The following KIF18A variants were observed in gnomAD, a reference collection of about 807,000 sequenced individuals.
KIF18A encodes the protein kinesin-like protein KIF18A.
Under a neutral mutation model 103.3 loss-of-function variants are expected in KIF18A, and 67 were observed. The observed-to-expected ratio is 0.65, with a 90% CI of 0.53 to 0.79. KIF18A has a LOEUF of 0.79. KIF18A is among the 30% of genes least tolerant of loss of function. The probability of loss-of-function intolerance (pLI) is 0.00; values close to 1 mark genes in which losing one functional copy is unlikely to be tolerated. For missense variants in KIF18A, 1,032 were observed against 1,062.5 expected (o/e 0.97, Z 0.40); for synonymous variants, 367 against 355.5 (o/e 1.03, Z -0.36).
At chr11:28,083,745 CT>C (rs1164412188) in intron 7 of KIF18A, among the ~76,000 whole-genome samples, 1 of 152,122 alleles carries the variant, frequency 6.6e-6, no homozygotes, top group African/African-American at 2.4e-5. Context: ...GGTTACTCAT[CT>C]GTAAAGTGGA....
At chr11:28,025,022 G>A (rs1465959677) in intron 15 of KIF18A, among the ~76,000 whole-genome samples, 1 of 151,884 alleles carries the variant, frequency 6.6e-6, no homozygotes, top group African/African-American at 2.4e-5. Context: ...TAATAAAATA[G>A]AGCAATTATA....
intron 11 of KIF18A, among the ~76,000 whole-genome samples, chr11:28,062,869 T>A (rs1850872948): frequency 6.6e-6 from 1 of 152,036 alleles, no homozygotes; most frequent in African/African-American, 2.4e-5. Context: ...AGCATTGTAT[T>A]TGGATAGACA....
At position 28,069,377 on chromosome 11, in the gene KIF18A, C is replaced by T. The variant is rs758314655; in HGVS notation, c.1472G>A (p.Arg491His). The change falls in exon 11 of 17, where the codon CGC becomes CAC. Residue 491 changes from arginine (R) to histidine (H), a missense_variant. By Grantham distance (29) the Arg-to-His change is conservative. Coordinates refer to ENST00000263181, the MANE Select transcript of KIF18A (RefSeq NM_031217.4). ...DHRLAMLKTR[R>H]SYLEKRREEE... ...CTCCCTCCTTTTCTCCAGGTAGGAG[C>T]GACGAGTTTTCAACATTGCAAGTCT... 1.1e-5 allele frequency: 17 copies of T among 1,613,490 alleles called. No individual in the cohort carries two copies. The highest frequency in any genetic ancestry group is 1.3e-5 in the African/African-American group (1 of 74,892).
At chr11:28,081,456 C>G (rs546981075) in intron 9 of KIF18A, among the ~76,000 whole-genome samples, 6 of 152,054 alleles carry the variant, frequency 3.9e-5, no homozygotes, top group Non-Finnish European at 8.8e-5. Context: ...ATGAAATATG[C>G]TAAATTTAAC....
intron 9 of KIF18A, among the ~76,000 whole-genome samples, chr11:28,081,979 A>G (rs1248516500): frequency 1.3e-5 from 2 of 152,110 alleles, no homozygotes; most frequent in East Asian, 3.8e-4. Context: ...GAAGAAACTA[A>G]CTGCAGATGT....
chr11:28,090,557 G>A, intron 5 of KIF18A, 60 bp downstream of exon 5: 4 of 944,858 alleles, frequency 4.2e-6, no homozygotes, highest in Admixed American at 1.9e-5. Context: ...GATGATTCAT[G>A]AATTTAGCTT....
intron 1 of KIF18A, among the ~76,000 whole-genome samples, chr11:28,106,455 T>C (rs1388401095): frequency 6.7e-6 from 1 of 148,364 alleles, no homozygotes; most frequent in Admixed American, 6.8e-5. Flanking sequence ...CCCACCAACT[T>C]ACAACCATCA....
At chr11:28,021,307 T>C (rs1850240193) in intron 16 of KIF18A, 25 bp from the exon 17 acceptor site, 2 of 1,358,710 alleles carry the variant, frequency 1.5e-6, no homozygotes, top group Non-Finnish European at 1.9e-6. Context: ...AAAAGATGCA[T>C]AAATATGGCA....
chr11:28,020,658 GGACAATATTTTATTTGTGAT>G lies in KIF18A; in HGVS notation c.*522_*541del, dbSNP rs1407791577. 5.3e-5 allele frequency: 8 copies of G among 151,552 alleles called. No individual in the cohort carries two copies. The highest frequency in any genetic ancestry group is 8.8e-5 in the Non-Finnish European group (6 of 67,898). 9.4% of individuals were successfully genotyped at this position (151,552 alleles called of 1,614,324 possible). ...CATCTTTAATATATCAAGTAGCAAG[GGACAATATTTTATTTGTGAT>G]GACTAAATAATATTTACAATGATTT... On this transcript the variant is annotated 3_prime_UTR_variant, in exon 17 of 17. Coordinates refer to ENST00000263181, the MANE Select transcript of KIF18A (RefSeq NM_031217.4).
At chr11:28,040,776 T>C (rs1167450673) in intron 13 of KIF18A, among the ~76,000 whole-genome samples, 7 of 151,762 alleles carry the variant, frequency 4.6e-5, no homozygotes. Context: ...GGTAGCAATG[T>C]ATGTTATGGT....
chr11:28,077,340 GA>G (rs1181741394), intron 9 of KIF18A, among the ~76,000 whole-genome samples, 171 bp from the exon 10 acceptor site: 1 of 152,070 alleles, frequency 6.6e-6, no homozygotes, highest in Non-Finnish European at 1.5e-5. Flanking sequence ...AAAATGTTTA[GA>G]AAAAGTTATT....
At chr11:28,091,972 CG>C (rs975137229) in intron 3 of KIF18A, among the ~76,000 whole-genome samples, 1 of 152,138 alleles carries the variant, frequency 6.6e-6, no homozygotes, top group African/African-American at 2.4e-5. Context: ...CCTGCCACCA[CG>C]CCTGGCTAAT....
chr11:28,024,276 T>C (rs1482409613), intron 15 of KIF18A, among the ~76,000 whole-genome samples: 3 of 151,176 alleles, frequency 2.0e-5, no homozygotes, highest in East Asian at 1.9e-4. Flanking sequence ...AGTGAGATTG[T>C]TTGAAAAACC....
chr11:28,051,384 T>C (rs1255119908), intron 13 of KIF18A, among the ~76,000 whole-genome samples: 3 of 151,912 alleles, frequency 2.0e-5, no homozygotes, highest in Admixed American at 6.6e-5. Flanking sequence ...GAATTATATA[T>C]GACTACTTAC....
chr11:28,057,818 A>G (rs1436749449), intron 13 of KIF18A, among the ~76,000 whole-genome samples: 4 of 152,172 alleles, frequency 2.6e-5, no homozygotes, highest in African/African-American at 9.6e-5. Context: ...TATTCTCTGG[A>G]TTCTCAAAAA....
chr11:28,065,791 T>C (rs539142557), intron 11 of KIF18A, among the ~76,000 whole-genome samples: 214 of 152,162 alleles, frequency 1.4e-3, no homozygotes, highest in African/African-American at 5.1e-3. Context: ...GCTGATTACA[T>C]GGACAAACAT....
intron 1 of KIF18A, among the ~76,000 whole-genome samples, chr11:28,098,689 C>T (rs1851406304): frequency 6.6e-6 from 1 of 151,950 alleles, no homozygotes; most frequent in Non-Finnish European, 1.5e-5. Flanking sequence ...TAATTGTGTG[C>T]AAGTTTAAGG....
intron 2 of KIF18A, 40 bp downstream of exon 2, chr11:28,097,583 A>C (rs1161134834): frequency 7.7e-7 from 1 of 1,306,502 alleles, no homozygotes. Context: ...GCAAAAGTGA[A>C]ATCGGATAGA....
intron 11 of KIF18A, among the ~76,000 whole-genome samples, chr11:28,064,900 C>CA (rs2133533064): frequency 6.6e-6 from 1 of 152,186 alleles, no homozygotes; most frequent in South Asian, 2.1e-4. Context: ...ATTCAGGTGC[C>CA]AGACCATGCT....
Sources: gnomAD v4.1 joint callset for allele counts (sites outside exome capture counted in the v4.1 genomes callset) on GRCh38, gnomAD v4.1.1 for gene constraint, MANE v1.5 for transcripts, NCBI Gene and HGNC (gene_info 2026-07-23, HGNC 2026-07-21) for gene names.